The following IL1RAPL1 variants were observed in gnomAD, a reference collection of about 807,000 sequenced individuals.
IL1RAPL1 encodes the protein interleukin 1 receptor accessory protein like 1.
IL1RAPL1 carries 3 observed loss-of-function variants against 48.4 expected under a neutral mutation model. The observed-to-expected ratio is 0.06, with a 90% confidence interval of 0.03 to 0.16. IL1RAPL1 has a LOEUF of 0.16. Ranked by LOEUF, IL1RAPL1 falls within the 10% of genes least tolerant of loss-of-function variation. The pLI is 1.00. For missense variants in IL1RAPL1, 349 were observed against 530.6 expected (o/e 0.66, Z 3.36); for synonymous variants, 185 against 187.7 (o/e 0.99, Z 0.12).
chrX:28,911,492 T>C (rs1923358097), intron 2 of IL1RAPL1, among the ~76,000 whole-genome samples: 1 of 110,972 alleles, frequency 9.0e-6, no homozygotes, highest in Admixed American at 9.6e-5. Flanking sequence ...TCCTCTCAAC[T>C]CCCACAACTC....
intron 5 of IL1RAPL1, among the ~76,000 whole-genome samples, chrX:29,576,544 C>T (rs1328858200): frequency 9.0e-6 from 1 of 111,174 alleles, no homozygotes; most frequent in Admixed American, 9.6e-5. Flanking sequence ...CCCTGTAATC[C>T]TTATGATTAT....
intron 7 of IL1RAPL1, among the ~76,000 whole-genome samples, chrX:29,917,848 G>A (rs1932810827): frequency 9.2e-6 from 1 of 108,672 alleles, no homozygotes; most frequent in South Asian, 3.9e-4. Flanking sequence ...TGCGGCTGGG[G>A]GTGGTGGCTC....
intron 2 of IL1RAPL1, among the ~76,000 whole-genome samples, chrX:28,829,098 G>C (rs1386676141): frequency 2.7e-5 from 3 of 111,427 alleles, no homozygotes; most frequent in African/African-American, 9.8e-5. Context: ...TATTATTTTT[G>C]ATATTATTGT....
chrX:29,889,579 T>C lies in IL1RAPL1; in HGVS notation c.779-27885T>C, dbSNP rs760580682. 5.4e-5 allele frequency among the ~76,000 whole-genome samples: 6 copies of C among 111,971 alleles called. No individual in the cohort carries two copies. In the South Asian group the frequency reaches 2.2e-3, roughly 41 times the overall value. ...ATGAAAAAAATAGAGTTACTTGTAC[T>C]GATAGAATTTTGTGCTTTTTAGAAG... is the stretch of plus-strand genomic sequence containing the variant. On this transcript the variant is annotated intron_variant, in intron 6 of 10. Transcript: ENST00000378993.
intron 6 of IL1RAPL1, among the ~76,000 whole-genome samples, chrX:29,903,388 TG>T (rs1450354509): frequency 9.0e-6 from 1 of 111,636 alleles, no homozygotes; most frequent in Non-Finnish European, 1.9e-5. Context: ...ACATGATTAA[TG>T]GTGCAAATGA....
At chrX:28,749,171 C>T (rs1936011309) in intron 1 of IL1RAPL1, among the ~76,000 whole-genome samples, 1 of 112,006 alleles carries the variant, frequency 8.9e-6, no homozygotes, top group Admixed American at 9.5e-5. Flanking sequence ...TGTTGTTAGG[C>T]ATTTTGGTTG....
chrX:29,117,916 C>T (rs1401619659), intron 2 of IL1RAPL1, among the ~76,000 whole-genome samples: 1 of 111,732 alleles, frequency 8.9e-6, no homozygotes, highest in Non-Finnish European at 1.9e-5. Flanking sequence ...TGTATCTCAG[C>T]ATTCATTGCA....
chrX:29,075,032 T>A (rs953246495), intron 2 of IL1RAPL1, among the ~76,000 whole-genome samples: 1 of 112,170 alleles, frequency 8.9e-6, no homozygotes, highest in Admixed American at 9.5e-5. Flanking sequence ...TTTTAATTAA[T>A]GGCCTTGTTA....
chrX:29,452,964 A>C (rs1934697205), intron 5 of IL1RAPL1, among the ~76,000 whole-genome samples: 1 of 77,627 alleles, frequency 1.3e-5, no homozygotes. Context: ...TTGCTCTTTC[A>C]CCCATGCTGG....
chrX:28,624,351 A>G (rs1285201336), intron 1 of IL1RAPL1, among the ~76,000 whole-genome samples: 1 of 111,644 alleles, frequency 9.0e-6, no homozygotes, highest in African/African-American at 3.3e-5. Flanking sequence ...CCACAGCATT[A>G]CTTTTGATGA....
intron 2 of IL1RAPL1, among the ~76,000 whole-genome samples, chrX:29,260,075 A>G (rs1931825963): frequency 1.8e-5 from 2 of 112,459 alleles, no homozygotes; most frequent in African/African-American, 3.2e-5. Flanking sequence ...TTAGTTTGGT[A>G]AACAGTTATA....
At chrX:29,701,858 T>C (rs921092456) in intron 6 of IL1RAPL1, among the ~76,000 whole-genome samples, 4 of 110,967 alleles carry the variant, frequency 3.6e-5, no homozygotes, top group Non-Finnish European at 7.6e-5. Context: ...CAAAATGATA[T>C]CCCTGAGGGC....
chrX:29,857,893 C>T (rs1026060089), intron 6 of IL1RAPL1, among the ~76,000 whole-genome samples: 1 of 111,725 alleles, frequency 9.0e-6, no homozygotes, highest in Non-Finnish European at 1.9e-5. Flanking sequence ...TCTGTTTGTA[C>T]AGAATCTCTA....
intron 8 of IL1RAPL1, among the ~76,000 whole-genome samples, chrX:29,940,309 C>T (rs1399258977): frequency 2.7e-5 from 3 of 111,268 alleles, no homozygotes. Flanking sequence ...TGATTTCACC[C>T]CATTTGTGAG....
chrX:29,569,554 A>G (rs1345565646), intron 5 of IL1RAPL1, among the ~76,000 whole-genome samples: 2 of 111,008 alleles, frequency 1.8e-5, no homozygotes, highest in Non-Finnish European at 3.8e-5. Context: ...CATTGCTTCA[A>G]CAATAGACTG....
rs1255583954 is a variant in IL1RAPL1 at position 29,147,023 on chromosome X, T to C, written c.83-135915T>C. ...TCTATTTCCAGTTCAGATGGTTTGG[T>C]ATAAGATGGGCCATAATCCCTGAAA... On this transcript the variant is annotated intron_variant, in intron 2 of 10. Coordinates refer to ENST00000378993, the MANE Select transcript of IL1RAPL1 (RefSeq NM_014271.4). Among the ~76,000 whole-genome samples, 34 of 112,452 alleles carry C rather than the reference T, an allele frequency of 3.0e-4. No homozygotes were observed. The Admixed American group carries it at 3.2e-3, about 11-fold the overall frequency.
intron 2 of IL1RAPL1, among the ~76,000 whole-genome samples, chrX:28,960,312 T>G (rs1317351106): frequency 1.8e-5 from 2 of 111,638 alleles, no homozygotes; most frequent in South Asian, 7.5e-4. Context: ...GTTTAGCATT[T>G]TTATTTACTT....
chrX:28,966,815 A>G lies in IL1RAPL1; in HGVS notation c.82+177390A>G, dbSNP rs1042501364. Among the ~76,000 whole-genome samples, 3 of 111,716 alleles carry G rather than the reference A, an allele frequency of 2.7e-5. No individual in the cohort carries two copies. The Admixed American group carries it at 2.9e-4, about 11-fold the overall frequency. On this transcript the variant is annotated intron_variant, in intron 2 of 10. Transcript: ENST00000378993. ...AGGTCTACTCCTCTAGATTAGTGAC[A>G]TTTTCTATTAAGCATGATTTATTTT...
intron 1 of IL1RAPL1, among the ~76,000 whole-genome samples, chrX:28,764,837 A>G (rs1936217324): frequency 9.1e-6 from 1 of 110,146 alleles, no homozygotes; most frequent in African/African-American, 3.3e-5. Flanking sequence ...ACACACACAC[A>G]TATCCCCCAT....
Sources: allele counts gnomAD v4.1 joint callset (sites outside exome capture counted in the v4.1 genomes callset), GRCh38; gene constraint gnomAD v4.1.1; transcripts MANE v1.5; gene names NCBI Gene and HGNC (gene_info 2026-07-23, HGNC 2026-07-21).